Variants in EML1 observed in about 807,000 individuals in gnomAD.
EML1 encodes echinoderm microtubule-associated protein-like 1.
Under a neutral mutation model 110.4 loss-of-function variants are expected in EML1, and 27 were observed. That is an observed-to-expected ratio of 0.24 (90% CI 0.18 to 0.34). EML1 has a LOEUF of 0.34. EML1 is among the 10% of genes least tolerant of loss of function. The probability of loss-of-function intolerance (pLI) is 1.00; values close to 1 mark genes in which losing one functional copy is unlikely to be tolerated. For synonymous variants in EML1, 344 were observed against 385.8 expected (o/e 0.89, Z 1.27); for missense variants, 741 against 1,030.9 (o/e 0.72, Z 3.85).
intron 17 of EML1, among the ~76,000 whole-genome samples, chr14:99,922,488 TTG>T (rs1168391835): frequency 6.6e-6 from 1 of 152,190 alleles, no homozygotes; most frequent in Non-Finnish European, 1.5e-5. Context: ...ATATGCCTTT[TTG>T]TGTTTGTTTT....
At chr14:99,850,305 G>A (rs2058774245) in intron 1 of EML1, 1 of 1,289,000 alleles carries the variant, frequency 7.8e-7, no homozygotes, top group Non-Finnish European at 1.0e-6. Context: ...TATAGACCCT[G>A]ATAAGGAGTT....
chr14:99,739,087 TGTGTGA>T (rs1472421724), intron 1 of EML1, among the ~76,000 whole-genome samples: 10 of 127,486 alleles, frequency 7.8e-5, no homozygotes, highest in South Asian at 5.0e-4. Context: ...TGTGTGTGTG[TGTGTGA>T]GAGAGAGAGA....
intron 1 of EML1, among the ~76,000 whole-genome samples, chr14:99,764,499 G>C (rs1306244127): frequency 6.6e-6 from 1 of 152,246 alleles, no homozygotes; most frequent in Non-Finnish European, 1.5e-5. Context: ...TTTCTGACAA[G>C]CTCCCAGGTT....
intron 16 of EML1, among the ~76,000 whole-genome samples, chr14:99,918,230 T>C (rs2060067399): frequency 1.3e-5 from 2 of 152,214 alleles, no homozygotes; most frequent in African/African-American, 4.8e-5. Context: ...CCCAAGTAGC[T>C]GGGACTACAG....
chr14:99,910,431 A>G, intron 12 of EML1, 90 bp downstream of exon 12: 1 of 1,011,352 alleles, frequency 9.9e-7, no homozygotes, highest in Non-Finnish European at 1.5e-6. Context: ...TATTAATACA[A>G]CGTACAGGAG....
chr14:99,897,307 A>T lies in EML1; in HGVS notation c.827+13A>T, dbSNP rs1284333819. ...ATGACGTGAAGTGGTAAGTCCTGAA[A>T]CAGGTCATTCCTGCGACTCAGAAGG... On this transcript the variant is annotated intron_variant, in intron 7 of 21. Transcript: ENST00000262233. 2 of 1,585,336 alleles carry T rather than the reference A, an allele frequency of 1.3e-6. No homozygotes were observed. Among genetic ancestry groups the T allele is most frequent in the African/African-American group, 1.4e-5 (1 of 73,576 alleles).
At chr14:99,746,237 C>G (rs888523239) in intron 1 of EML1, among the ~76,000 whole-genome samples, 1 of 152,084 alleles carries the variant, frequency 6.6e-6, no homozygotes, top group Non-Finnish European at 1.5e-5. Context: ...GCGCTGTCCC[C>G]AACCTGGGGT....
chr14:99,936,198 C>T lies in EML1; in HGVS notation c.2008-49C>T, dbSNP rs780385297. The stretch of plus-strand genomic sequence containing the variant: ...TTTAACTACCGTGGAACAGTGTTGG[C>T]AGGGACTTCTAAGGCCAATGAAATG... On this transcript the variant is annotated intron_variant, in intron 18 of 21. Transcript: ENST00000262233. This position sits in a 1 kb window ranked among gnomAD's most constrained non-coding sequence, Gnocchi z 5.5. 1.7e-5 allele frequency: 28 copies of T among 1,612,006 alleles called. 1 individual carries two copies. Among genetic ancestry groups the T allele is most frequent in the Non-Finnish European group, 1.7e-5 (20 of 1,178,210 alleles).
chr14:99,749,821 A>G (rs1487663049), intron 1 of EML1, among the ~76,000 whole-genome samples: 1 of 152,210 alleles, frequency 6.6e-6, no homozygotes, highest in Non-Finnish European at 1.5e-5. Context: ...TGAAATGCAG[A>G]TGGCACACGT....
At chr14:99,895,091 T>G (rs1382466068) in intron 6 of EML1, among the ~76,000 whole-genome samples, 1 of 151,454 alleles carries the variant, frequency 6.6e-6, no homozygotes, top group Non-Finnish European at 1.5e-5. Context: ...ATGAGTGATT[T>G]TTTTCTTTGT....
Position 99,851,022 on chromosome 14 carries a change from A to G in EML1, c.237A>G (p.Lys79=), listed in dbSNP as rs1392104434. Residue 79 remains lysine (K), a synonymous_variant, in exon 2 of 22, where the codon AAA becomes AAG. Coordinates refer to ENST00000262233, the MANE Select transcript of EML1 (RefSeq NM_004434.3). ...TEEQQAVLNR[K]GPTKARPLMQ... ...AACAGCAGGCCGTGCTTAACAGGAA[A>G]GGACCTACCAAAGGTGGGCGTTTGA... 6 of 1,612,898 alleles carry G rather than the reference A, an allele frequency of 3.7e-6. No individual in the cohort carries two copies. The highest frequency in any genetic ancestry group is 2.2e-5 in the East Asian group (1 of 44,846).
chr14:99,845,656 G>C (rs1252071589), intron 1 of EML1, among the ~76,000 whole-genome samples: 4 of 152,116 alleles, frequency 2.6e-5, no homozygotes, highest in Non-Finnish European at 4.4e-5. Context: ...AGAGCTTAGC[G>C]GCTCTCTTGG....
intron 1 of EML1, among the ~76,000 whole-genome samples, chr14:99,788,278 T>TA (rs1391395798): frequency 6.6e-6 from 1 of 152,190 alleles, no homozygotes; most frequent in Non-Finnish European, 1.5e-5. Context: ...AAATGTCTCT[T>TA]AGATTGTGAC....
chr14:99,796,934 T>A (rs199824703), intron 1 of EML1, among the ~76,000 whole-genome samples: 22 of 125,856 alleles, frequency 1.7e-4, no homozygotes, highest in South Asian at 8.7e-4. Flanking sequence ...TGTGTGTGTG[T>A]GTGAGAGAGT....
At position 99,898,066 on chromosome 14, in the gene EML1, T is replaced by C. The variant is rs3736815; in HGVS notation, c.828-167T>C. 0.56 allele frequency among the ~76,000 whole-genome samples: 84,846 copies of C among 152,068 alleles called. 24,117 individuals carry two copies. The highest frequency in any genetic ancestry group is 0.67 in the African/African-American group (27,824 of 41,468). On this transcript the variant is annotated intron_variant, in intron 7 of 21. Coordinates refer to ENST00000262233, the MANE Select transcript of EML1 (RefSeq NM_004434.3). Reference sequence around the variant, plus strand: ...GGGAATTAAGATGAAATGAATTAGGTACTAGTTGTCTAACGTCGTGGTGCT... The same window carrying C: ...GGGAATTAAGATGAAATGAATTAGGCACTAGTTGTCTAACGTCGTGGTGCT...
intron 3 of EML1, among the ~76,000 whole-genome samples, chr14:99,872,451 C>T (rs1218042329): frequency 6.6e-6 from 1 of 152,186 alleles, no homozygotes; most frequent in Non-Finnish European, 1.5e-5. Flanking sequence ...CCTCTGTAGA[C>T]TTTTCCTTAT....
At chr14:99,897,398 C>A in intron 7 of EML1, 104 bp downstream of exon 7, 1 of 1,127,076 alleles carries the variant, frequency 8.9e-7, no homozygotes, top group Non-Finnish European at 1.2e-6. Context: ...GAAACCCTGT[C>A]TCTAAAATAA....
chr14:99,933,525 C>T (rs1191106708), intron 17 of EML1, among the ~76,000 whole-genome samples: 2 of 152,192 alleles, frequency 1.3e-5, no homozygotes, highest in African/African-American at 4.8e-5. Flanking sequence ...ACAGCCAATC[C>T]CCTGCCGTGT....
intron 16 of EML1, among the ~76,000 whole-genome samples, chr14:99,920,539 G>A (rs1364352622): frequency 6.6e-6 from 1 of 152,192 alleles, no homozygotes; most frequent in Non-Finnish European, 1.5e-5. Context: ...CACAAACACA[G>A]AGAAACCATG....
Sources: allele counts gnomAD v4.1 joint callset (sites outside exome capture counted in the v4.1 genomes callset), GRCh38; gene constraint gnomAD v4.1.1; non-coding constraint Gnocchi (gnomAD v3.1); transcripts MANE v1.5; gene names NCBI Gene and HGNC (gene_info 2026-07-23, HGNC 2026-07-21).